Variants in MYO16 observed in about 807,000 individuals in gnomAD.
MYO16 encodes the protein myosin XVI.
Under a neutral mutation model 205.3 loss-of-function variants are expected in MYO16, and 94 were observed. That is an observed-to-expected ratio of 0.46 (90% CI 0.39 to 0.54). The LOEUF is 0.54. MYO16 is among the 20% of genes least tolerant of loss of function. The pLI is 0.00. For missense variants in MYO16, 2,315 were observed against 2,387.5 expected, an observed-to-expected ratio of 0.97 and a Z score of 0.63; for synonymous variants, 988 against 954.0, an observed-to-expected ratio of 1.04 and a Z score of -0.66.
At position 109,137,857 on chromosome 13, in the gene MYO16, C is replaced by T. The variant is rs1285449517; in HGVS notation, c.4052-2407C>T. ...AGCTCTTCTCAAATTACAACCCTGC[C>T]CTACCAAGCCCAGCACAAACACACA... On this transcript the variant is annotated intron_variant, in intron 31 of 34. Coordinates refer to ENST00000457511, the MANE Select transcript of MYO16 (RefSeq NM_001198950.3). Among the ~76,000 whole-genome samples, 3 of 152,284 alleles carry T rather than the reference C, an allele frequency of 2.0e-5. No homozygotes were observed. In the East Asian group the frequency reaches 5.8e-4, roughly 29 times the overall value.
intron 2 of MYO16, among the ~76,000 whole-genome samples, chr13:108,666,817 T>G (rs1881753140): frequency 6.6e-6 from 1 of 152,232 alleles, no homozygotes; most frequent in Admixed American, 6.5e-5. Flanking sequence ...TTTCACTTTT[T>G]ATATACTCTT....
chr13:108,868,374 G>C (rs73614612), intron 12 of MYO16, among the ~76,000 whole-genome samples: 1,739 of 152,226 alleles, frequency 0.011, 31 homozygotes, highest in African/African-American at 0.039. Context: ...TTCTCTGACA[G>C]ACAATGAGAT....
In MYO16 at chr13:108,997,301, AAAGAAAGAAAGAAAGAAAGAAAG is replaced by A. The variant is rs1166900375; in HGVS notation, c.2442+4856_2442+4878del. Among the ~76,000 whole-genome samples, 11 of 2,860 alleles carry A rather than the reference AAAGAAAGAAAGAAAGAAAGAAAG, an allele frequency of 3.8e-3. 1 individual carries two copies. The highest frequency in any genetic ancestry group is 4.1e-3 in the African/African-American group (10 of 2,436). 1.9% of individuals were successfully genotyped at this position (2,860 alleles called of 152,430 possible). A position where few individuals can be genotyped will look rare whatever the true frequency, so the allele number is the denominator to read the frequency against. ...AGAACAAGACCATGCAGAAAGAAAG[AAAGAAAGAAAGAAAGAAAGAAAG>A]AAAGAAAGAAAGAAAGAGAGAGAGA... On this transcript the variant is annotated intron_variant, in intron 21 of 34. Coordinates refer to ENST00000457511, the MANE Select transcript of MYO16 (RefSeq NM_001198950.3).
At chr13:108,844,084 G>T (rs1262302162) in intron 9 of MYO16, among the ~76,000 whole-genome samples, 1 of 152,016 alleles carries the variant, frequency 6.6e-6, no homozygotes, top group African/African-American at 2.4e-5. Flanking sequence ...ATTATAGTCA[G>T]ATATACATGT....
intron 32 of MYO16, among the ~76,000 whole-genome samples, chr13:109,156,254 C>G (rs1485199958): frequency 6.6e-6 from 1 of 152,212 alleles, no homozygotes; most frequent in Non-Finnish European, 1.5e-5. Flanking sequence ...CGCTGTCGAG[C>G]TGCGACTTCT....
rs1020138361 is a variant in MYO16 at position 109,113,878 on chromosome 13, T to G, written c.3439-6492T>G. ...GAATCCAGGATAAGATGGAAACATATGAGTGAGGCTAGGGTGCCTATGAAA... is the reference window on the plus strand; with the variant it reads ...GAATCCAGGATAAGATGGAAACATAGGAGTGAGGCTAGGGTGCCTATGAAA... On this transcript the variant is annotated intron_variant, in intron 28 of 34. Coordinates refer to ENST00000457511, the MANE Select transcript of MYO16 (RefSeq NM_001198950.3). 8.5e-5 allele frequency among the ~76,000 whole-genome samples: 13 copies of G among 152,256 alleles called. No individual in the cohort carries two copies. In the East Asian group the frequency reaches 2.5e-3, roughly 29 times the overall value.
chr13:108,593,654 C>T (rs904891988), upstream of MYO16, among the ~76,000 whole-genome samples: 3 of 152,304 alleles, frequency 2.0e-5, no homozygotes, highest in East Asian at 1.9e-4. Context: ...TGACTAGCTA[C>T]TGAGGATATG....
At chr13:108,533,362 G>C in the MYO16 span, among the ~76,000 whole-genome samples, 1 of 152,178 alleles carries the variant, frequency 6.6e-6, no homozygotes, top group Non-Finnish European at 1.5e-5. Context: ...GGGTGGGGCT[G>C]GCCCAACCAC....
intron 16 of MYO16, among the ~76,000 whole-genome samples, chr13:108,921,152 T>G (rs1881730288): frequency 6.6e-6 from 1 of 152,202 alleles, no homozygotes. Flanking sequence ...TGTTTCTTTT[T>G]CTCTCAACCT....
At chr13:109,090,111 G>C (rs1162890424) in intron 27 of MYO16, among the ~76,000 whole-genome samples, 2 of 152,198 alleles carry the variant, frequency 1.3e-5, no homozygotes, top group Non-Finnish European at 2.9e-5. Flanking sequence ...TCCTTAGTTT[G>C]GAAGTAGAAG....
chr13:108,712,008 A>ATC (rs971766203), intron 2 of MYO16, among the ~76,000 whole-genome samples: 2 of 152,240 alleles, frequency 1.3e-5, no homozygotes, highest in African/African-American at 4.8e-5. Flanking sequence ...AACACAATCA[A>ATC]TCAATCTCTT....
chr13:108,564,239 T>C, the MYO16 span, among the ~76,000 whole-genome samples: 3 of 151,348 alleles, frequency 2.0e-5, no homozygotes, highest in Non-Finnish European at 4.4e-5. Flanking sequence ...GGCACCATCT[T>C]GGCTCACCAC....
the MYO16 span, among the ~76,000 whole-genome samples, chr13:108,519,088 A>G: frequency 6.6e-6 from 1 of 152,204 alleles, no homozygotes; most frequent in Non-Finnish European, 1.5e-5. Context: ...AAGAAATTGT[A>G]TTATGTGGAT....
chr13:108,839,615 T>C lies in MYO16; in HGVS notation c.1098-4728T>C, dbSNP rs376987372. ...CTGACTTATTTGCTCCTTGATACAA[T>C]GTTTGTTGCTTGCTCAAAAGATACT... is the stretch of plus-strand genomic sequence containing the variant. On this transcript the variant is annotated intron_variant, in intron 9 of 34. Transcript: ENST00000457511. Among the ~76,000 whole-genome samples, 76 of 152,314 alleles carry C rather than the reference T, an allele frequency of 5.0e-4. 1 individual carries two copies. Among genetic ancestry groups the C allele is most frequent in the African/African-American group, 1.7e-3 (71 of 41,586 alleles).
At chr13:108,830,395 T>C (rs1433605003) in intron 9 of MYO16, among the ~76,000 whole-genome samples, 2 of 149,420 alleles carry the variant, frequency 1.3e-5, no homozygotes, top group African/African-American at 2.5e-5. Flanking sequence ...ATTAACAAAA[T>C]GTGGCACATA....
At chr13:108,796,508 G>A (rs564792406) in intron 6 of MYO16, among the ~76,000 whole-genome samples, 1 of 152,234 alleles carries the variant, frequency 6.6e-6, no homozygotes, top group South Asian at 2.1e-4. Context: ...CAAAGACTTG[G>A]AACCAATCCA....
chr13:109,068,014 T>A (rs933714844), intron 27 of MYO16, among the ~76,000 whole-genome samples: 5 of 152,160 alleles, frequency 3.3e-5, no homozygotes, highest in African/African-American at 1.2e-4. Context: ...GAATATATAA[T>A]TCCACTGAGC....
intron 21 of MYO16, among the ~76,000 whole-genome samples, chr13:109,000,925 T>A (rs1465637924): frequency 6.6e-6 from 1 of 152,038 alleles, no homozygotes; most frequent in Non-Finnish European, 1.5e-5. Context: ...TTATTTACAT[T>A]AAAGGAGAAT....
At chr13:108,496,463 T>C in the MYO16 span, among the ~76,000 whole-genome samples, 2 of 152,166 alleles carry the variant, frequency 1.3e-5, no homozygotes, top group Non-Finnish European at 2.9e-5. Flanking sequence ...CGGATTCTGC[T>C]GACCCCTCTG....
Sources: allele counts gnomAD v4.1 joint callset (sites outside exome capture counted in the v4.1 genomes callset), GRCh38; gene constraint gnomAD v4.1.1; transcripts MANE v1.5; gene names NCBI Gene and HGNC (gene_info 2026-07-23, HGNC 2026-07-21).